Variants in FAM227B observed in about 807,000 individuals in gnomAD.
The protein encoded by FAM227B is family with sequence similarity 227 member B, also known as protein FAM227B.
In FAM227B, 88 loss-of-function variants were observed where a neutral mutation model predicts 73.8. The observed-to-expected ratio is 1.19, with a 90% CI of 1.00 to 1.42. The LOEUF (loss-of-function observed/expected upper bound fraction) is 1.42. Ranked by LOEUF, FAM227B falls within the 40% of genes most tolerant of loss-of-function variation. The probability of loss-of-function intolerance (pLI) is 0.00; values close to 1 mark genes in which losing one functional copy is unlikely to be tolerated. For synonymous variants in FAM227B, 210 were observed against 190.5 expected (o/e 1.10, Z -0.84); for missense variants, 632 against 590.9 (o/e 1.07, Z -0.72).
At chr15:49,525,533 A>T (rs2060101540) in intron 10 of FAM227B, among the ~76,000 whole-genome samples, 1 of 151,616 alleles carries the variant, frequency 6.6e-6, no homozygotes, top group Admixed American at 6.6e-5. Flanking sequence ...TGCAAAATCG[A>T]GCTTCCTAAA....
intron 1 of FAM227B, among the ~76,000 whole-genome samples, chr15:49,619,875 A>G (rs1264636177): frequency 6.6e-6 from 1 of 152,224 alleles, no homozygotes; most frequent in Non-Finnish European, 1.5e-5. Context: ...ACAGTAAGAA[A>G]TACATTTTAC....
At position 49,462,971 on chromosome 15, in the gene FAM227B, T is replaced by C. The variant is rs563836247; in HGVS notation, c.1012+45240A>G. ...ATAAATATAGCATTATTGGATTCTC[T>C]AAATATCAACAATACTTTGAGGTCT... On this transcript the variant is annotated intron_variant, in intron 11 of 15. Transcript: ENST00000299338. Among the ~76,000 whole-genome samples, 10 of 152,376 alleles carry C rather than the reference T, an allele frequency of 6.6e-5. No individual in the cohort carries two copies. In the South Asian group the frequency reaches 1.2e-3, roughly 19 times the overall value.
At chr15:49,416,587 A>G (rs1383387087) in intron 11 of FAM227B, among the ~76,000 whole-genome samples, 2 of 152,164 alleles carry the variant, frequency 1.3e-5, no homozygotes, top group Non-Finnish European at 2.9e-5. Context: ...TGCAGATGAC[A>G]TGATTTTCTA....
chr15:49,451,428 A>G (rs189424277), intron 11 of FAM227B, among the ~76,000 whole-genome samples: 1 of 152,192 alleles, frequency 6.6e-6, no homozygotes, highest in Admixed American at 6.6e-5. Flanking sequence ...AGAGAAGTCT[A>G]TGCATTGCTG....
At chr15:49,561,676 C>T (rs1298392868) in intron 9 of FAM227B, among the ~76,000 whole-genome samples, 1 of 152,050 alleles carries the variant, frequency 6.6e-6, no homozygotes, top group African/African-American at 2.4e-5. Flanking sequence ...AATAACAACA[C>T]AAATCAATAT....
intron 3 of FAM227B, among the ~76,000 whole-genome samples, chr15:49,599,533 T>C (rs2077067693): frequency 6.6e-6 from 1 of 152,112 alleles, no homozygotes; most frequent in Non-Finnish European, 1.5e-5. Context: ...AGTTAGATTG[T>C]TTATCTGAGA....
intron 11 of FAM227B, among the ~76,000 whole-genome samples, chr15:49,470,041 C>A (rs1310782162): frequency 6.6e-6 from 1 of 152,084 alleles, no homozygotes; most frequent in African/African-American, 2.4e-5. Flanking sequence ...TCTTAATTCT[C>A]TGGTAAAATT....
chr15:49,371,645 T>A (rs192969859), intron 11 of FAM227B, among the ~76,000 whole-genome samples: 2,211 of 150,710 alleles, frequency 0.015, 48 homozygotes, highest in African/African-American at 0.051. Flanking sequence ...AAAATTCACT[T>A]ATAAATAAAT....
At chr15:49,475,964 C>G (rs2055224409) in intron 11 of FAM227B, among the ~76,000 whole-genome samples, 1 of 152,176 alleles carries the variant, frequency 6.6e-6, no homozygotes, top group Admixed American at 6.5e-5. Context: ...TCCACCCTCT[C>G]ACTATTTTGT....
At chr15:49,416,120 T>C (rs2049192081) in intron 11 of FAM227B, among the ~76,000 whole-genome samples, 1 of 151,170 alleles carries the variant, frequency 6.6e-6, no homozygotes, top group Admixed American at 6.6e-5. Flanking sequence ...CATTCAGTTC[T>C]TGGAACACAC....
intron 9 of FAM227B, among the ~76,000 whole-genome samples, chr15:49,563,743 G>C (rs1270518295): frequency 6.6e-6 from 1 of 152,110 alleles, no homozygotes; most frequent in Non-Finnish European, 1.5e-5. Flanking sequence ...ATCAGGAAAG[G>C]ACTCCCTATT....
chr15:49,593,685 G>A (rs142659330), intron 3 of FAM227B, among the ~76,000 whole-genome samples: 42 of 152,016 alleles, frequency 2.8e-4, no homozygotes, highest in South Asian at 1.0e-3. Flanking sequence ...GAGAACATAC[G>A]ATATTTGATT....
chr15:49,603,876 T>C (rs949951375), intron 3 of FAM227B, among the ~76,000 whole-genome samples: 2 of 152,144 alleles, frequency 1.3e-5, no homozygotes, highest in Non-Finnish European at 2.9e-5. Flanking sequence ...AATGTTGGAT[T>C]TTATTAAATG....
chr15:49,328,615 A>G lies in FAM227B; in HGVS notation c.1480T>C (p.Ser494Pro). 1 of 1,560,292 alleles carries G rather than the reference A, an allele frequency of 6.4e-7. No homozygotes were observed. Among genetic ancestry groups the G allele is most frequent in the Non-Finnish European group, 8.7e-7 (1 of 1,147,796 alleles). The change falls in exon 16 of 16, where the codon TCA becomes CCA. Residue 494 changes from serine to proline, a missense_variant. Physicochemically the swap from Ser to Pro is moderately conservative, Grantham distance 74. Transcript: ENST00000299338. ...VASLSSSSSS[S>P]PSSTDNYNFE... The stretch of plus-strand genomic sequence containing the variant: ...TTGTAGTTGTCTGTTGATGATGGTG[A>G]TGATGATGATGATGACGATAGTGAT...
intron 13 of FAM227B, among the ~76,000 whole-genome samples, chr15:49,360,113 T>G: frequency 7.2e-6 from 1 of 139,546 alleles, no homozygotes. Flanking sequence ...GGGGGAGGGA[T>G]AGCATCAGGA....
At chr15:49,588,852 A>G (rs2152405513) in intron 4 of FAM227B, among the ~76,000 whole-genome samples, 1 of 151,512 alleles carries the variant, frequency 6.6e-6, no homozygotes, top group South Asian at 2.1e-4. Flanking sequence ...ATTTTTAAAA[A>G]GTTAATTTAA....
intron 11 of FAM227B, among the ~76,000 whole-genome samples, chr15:49,395,367 A>C (rs887362744): frequency 1.3e-5 from 2 of 152,178 alleles, no homozygotes; most frequent in African/African-American, 4.8e-5. Context: ...AAAAAAGTAG[A>C]GATATTACAA....
Position 49,558,665 on chromosome 15 carries a change from G to C in FAM227B, c.747+9580C>G, listed in dbSNP as rs949519332. Among the ~76,000 whole-genome samples the C allele has an allele frequency of 6.9e-4, 105 of 151,942 alleles. 1 individual carries two copies. Among genetic ancestry groups the C allele is most frequent in the Admixed American group, 3.3e-4 (5 of 15,260 alleles). ...GCTGCCACCTAAGAGTTTGGCCAGT[G>C]ACCCAGGGACCAACCCGCCACTCTT... On this transcript the variant is annotated intron_variant, in intron 9 of 15. Coordinates refer to ENST00000299338, the MANE Select transcript of FAM227B (RefSeq NM_152647.3).
intron 11 of FAM227B, among the ~76,000 whole-genome samples, chr15:49,497,711 G>A (rs2057749726): frequency 6.6e-6 from 1 of 152,192 alleles, no homozygotes; most frequent in East Asian, 1.9e-4. Flanking sequence ...TACCTCTTTA[G>A]TGATCTTTAC....
Sources: gnomAD v4.1 joint callset for allele counts (sites outside exome capture counted in the v4.1 genomes callset) on GRCh38, gnomAD v4.1.1 for gene constraint, MANE v1.5 for transcripts, NCBI Gene and HGNC (gene_info 2026-07-23, HGNC 2026-07-21) for gene names.